The following RSU1 variants were observed in gnomAD, a reference collection of about 807,000 sequenced individuals.
RSU1 encodes the protein rsu-1.
RSU1 carries 26 observed loss-of-function variants against 31.1 expected under a neutral mutation model. The observed-to-expected ratio is 0.84, with a 90% CI of 0.61 to 1.16. The LOEUF is 1.16. RSU1 is among the 50% of genes most tolerant of loss of function. The probability of loss-of-function intolerance (pLI) is 0.00; values close to 1 mark genes in which losing one functional copy is unlikely to be tolerated. For synonymous variants in RSU1, 164 were observed against 136.3 expected, an observed-to-expected ratio of 1.20 and a Z score of -1.41; for missense variants, 320 against 339.1, an observed-to-expected ratio of 0.94 and a Z score of 0.44.
At chr10:16,600,005 C>T (rs979521831) in intron 8 of RSU1, among the ~76,000 whole-genome samples, 1 of 152,102 alleles carries the variant, frequency 6.6e-6, no homozygotes, top group Non-Finnish European at 1.5e-5. Flanking sequence ...GAGCATCTCT[C>T]CCCTGATAGC....
chr10:16,804,994 G>T (rs1485249151), intron 2 of RSU1, among the ~76,000 whole-genome samples: 1 of 152,040 alleles, frequency 6.6e-6, no homozygotes, highest in Non-Finnish European at 1.5e-5. Context: ...TAATAATAAT[G>T]CATCAACAGC....
At chr10:16,683,693 G>C (rs540671398) in intron 8 of RSU1, among the ~76,000 whole-genome samples, 3 of 152,178 alleles carry the variant, frequency 2.0e-5, no homozygotes, top group African/African-American at 7.2e-5. Context: ...GACCACGGTC[G>C]TGACACAGCC....
At chr10:16,765,141 CCAG>C (rs1837288258) in intron 3 of RSU1, among the ~76,000 whole-genome samples, 1 of 151,944 alleles carries the variant, frequency 6.6e-6, no homozygotes, top group Non-Finnish European at 1.5e-5. Flanking sequence ...TGCATTGCCA[CCAG>C]AAGAAAGATG....
At chr10:16,621,597 T>C (rs1013215835) in intron 8 of RSU1, among the ~76,000 whole-genome samples, 2 of 152,170 alleles carry the variant, frequency 1.3e-5, no homozygotes, top group Non-Finnish European at 2.9e-5. Context: ...TTCCACATGA[T>C]TGGGGAAGCC....
intron 8 of RSU1, among the ~76,000 whole-genome samples, chr10:16,613,271 G>A (rs1833923828): frequency 6.6e-6 from 1 of 152,190 alleles, no homozygotes. Context: ...GCATGAGAGT[G>A]GAATTTCCAT....
intron 8 of RSU1, among the ~76,000 whole-genome samples, chr10:16,667,440 G>A (rs183415369): frequency 6.6e-6 from 1 of 152,026 alleles, no homozygotes; most frequent in East Asian, 1.9e-4. Context: ...ATTAGTACTA[G>A]GGTACAATTA....
chr10:16,676,037 G>C (rs1015234001), intron 8 of RSU1, among the ~76,000 whole-genome samples: 2 of 152,182 alleles, frequency 1.3e-5, no homozygotes, highest in Non-Finnish European at 1.5e-5. Context: ...GGTACATGAT[G>C]AGCCAAGAAA....
At chr10:16,747,012 C>A (rs1836870469) in intron 7 of RSU1, among the ~76,000 whole-genome samples, 1 of 152,042 alleles carries the variant, frequency 6.6e-6, no homozygotes, top group Admixed American at 6.6e-5. Context: ...ATCCCCCAAC[C>A]CCCATCTGTC....
rs571900985 is a variant in RSU1 at position 16,797,920 on chromosome 10, G to A, written c.110-15836C>T. ...TCTGTTGCCCAGACTGGAGTGGAGC[G>A]GGGCAATCTCGGCTCACTGTAACCT... On this transcript the variant is annotated intron_variant, in intron 2 of 8. Transcript: ENST00000345264. Among the ~76,000 whole-genome samples, 20 of 147,882 alleles carry A rather than the reference G, an allele frequency of 1.4e-4. 1 individual carries two copies. The South Asian group carries it at 3.2e-3, about 24-fold the overall frequency.
At position 16,817,103 on chromosome 10, in the gene RSU1, A is replaced by T; in HGVS notation, c.-3-19T>A. On this transcript the variant is annotated intron_variant, in intron 1 of 8. Transcript: ENST00000345264. ...ACATGGTCTGCACCGAACAACAACA[A>T]AGCACGTGGGCGATGACAGCAAGCG... 5.2e-6 allele frequency: 8 copies of T among 1,545,878 alleles called. No homozygotes were observed. Among genetic ancestry groups the T allele is most frequent in the Non-Finnish European group, 6.3e-6 (7 of 1,117,594 alleles).
At chr10:16,706,256 T>C (rs534084270) in intron 7 of RSU1, among the ~76,000 whole-genome samples, 40 of 152,354 alleles carry the variant, frequency 2.6e-4, no homozygotes, top group African/African-American at 9.6e-4. Context: ...CCCAACCTCA[T>C]CTTTTTAATA....
At position 16,591,692 on chromosome 10, in the gene RSU1, T is replaced by C. The variant is rs1019326666; in HGVS notation, c.*1702A>G. Reference sequence around the variant, plus strand: ...TTTCGTTCCTGTGCGTTTCTGGAGTTTTCATCTTTTGAAAAAAATGACTCA... The same window carrying C: ...TTTCGTTCCTGTGCGTTTCTGGAGTCTTCATCTTTTGAAAAAAATGACTCA... On this transcript the variant is annotated 3_prime_UTR_variant, in exon 9 of 9. Coordinates refer to ENST00000345264, the MANE Select transcript of RSU1 (RefSeq NM_012425.4). 3 of 152,192 alleles carry C rather than the reference T, an allele frequency of 2.0e-5. No individual in the cohort carries two copies. Among genetic ancestry groups the C allele is most frequent in the African/African-American group, 7.2e-5 (3 of 41,448 alleles). The allele number at this position is 152,192 out of a possible 1,614,324, so 9.4% of individuals were successfully genotyped here.
chr10:16,752,533 C>G lies in RSU1; in HGVS notation c.598+6G>C. On this transcript the variant is annotated splice_donor_region_variant and intron_variant, in intron 7 of 8. Coordinates refer to ENST00000345264, the MANE Select transcript of RSU1 (RefSeq NM_012425.4). Reference sequence around the variant, plus strand: ...CAGAACTAAGTTCATTCATCAGCAACCTTACCTAGTTCTGGGGGCAGAACG... The same window carrying G: ...CAGAACTAAGTTCATTCATCAGCAAGCTTACCTAGTTCTGGGGGCAGAACG... The G allele has an allele frequency of 6.2e-7, 1 of 1,604,628 alleles. No individual in the cohort carries two copies. The highest frequency in any genetic ancestry group is 1.7e-5 in the Admixed American group (1 of 59,976).
intron 8 of RSU1, among the ~76,000 whole-genome samples, chr10:16,666,425 T>G (rs1834988906): frequency 6.6e-6 from 1 of 152,194 alleles, no homozygotes; most frequent in African/African-American, 2.4e-5. Context: ...AATAACATGT[T>G]GATCTGAAGA....
chr10:16,754,546 C>CT lies in RSU1; in HGVS notation c.400+324dup, dbSNP rs11311165. 5.7e-3 allele frequency among the ~76,000 whole-genome samples: 765 copies of CT among 134,442 alleles called. 3 individuals are homozygous for CT. The highest frequency in any genetic ancestry group is 0.016 in the Middle Eastern group (4 of 250). The allele number at this position is 134,442 out of a possible 152,430, so 88.2% of individuals were successfully genotyped here. A position where few individuals can be genotyped will look rare whatever the true frequency, so the allele number is the denominator to read the frequency against. On this transcript the variant is annotated intron_variant, in intron 5 of 8. Transcript: ENST00000345264. Reference sequence around the variant, plus strand: ...GAATTAATAGCAACATAGGAAGATACTTTTTTTTTTTTTTTTGGCATGCTA... The same window carrying CT: ...GAATTAATAGCAACATAGGAAGATACTTTTTTTTTTTTTTTTTGGCATGCTA...
chr10:16,782,913 AT>A (rs397956304), intron 2 of RSU1, among the ~76,000 whole-genome samples: 343 of 96,762 alleles, frequency 3.5e-3, no homozygotes, highest in East Asian at 3.5e-3. Flanking sequence ...AATTTTTCCT[AT>A]TTTTTTTTTT....
Position 16,654,014 on chromosome 10 carries a change from T to G in RSU1, c.731+41009A>C, listed in dbSNP as rs1422039427. On this transcript the variant is annotated intron_variant, in intron 8 of 8. Transcript: ENST00000345264. The stretch of plus-strand genomic sequence containing the variant: ...GGTAACTGTGACTTCTTTTTCATTT[T>G]TTTTTGAGATGGAGTTTTGCTCTTG... 3.9e-5 allele frequency among the ~76,000 whole-genome samples: 6 copies of G among 152,168 alleles called. No homozygotes were observed. The East Asian group carries it at 1.2e-3, about 30-fold the overall frequency.
intron 3 of RSU1, among the ~76,000 whole-genome samples, chr10:16,770,863 T>G (rs1160371885): frequency 6.6e-6 from 1 of 151,412 alleles, no homozygotes; most frequent in Non-Finnish European, 1.5e-5. Context: ...CACCAATCCT[T>G]GGGCCAAAGA....
chr10:16,791,301 A>G (rs1283874240), intron 2 of RSU1, among the ~76,000 whole-genome samples: 1 of 152,126 alleles, frequency 6.6e-6, no homozygotes, highest in Admixed American at 6.5e-5. Flanking sequence ...TGCTGTGATT[A>G]CAGGCGTGAG....
Sources: allele counts gnomAD v4.1 joint callset (sites outside exome capture counted in the v4.1 genomes callset), GRCh38; gene constraint gnomAD v4.1.1; transcripts MANE v1.5; gene names NCBI Gene and HGNC (gene_info 2026-07-23, HGNC 2026-07-21).